The following EIF3I variants were observed in gnomAD, a reference collection of about 807,000 sequenced individuals.
The protein encoded by EIF3I is TGF-beta receptor-interacting protein 1.
A neutral mutation model predicts 43.3 loss-of-function variants in EIF3I; 20 were observed. That is an observed-to-expected ratio of 0.46 (90% CI 0.32 to 0.67). EIF3I has a LOEUF of 0.67. Ranked by LOEUF, EIF3I falls within the 30% of genes least tolerant of loss-of-function variation. The pLI is 0.03. For missense variants in EIF3I, 279 were observed against 421.4 expected, an observed-to-expected ratio of 0.66 and a Z score of 2.96; for synonymous variants, 167 against 151.7, an observed-to-expected ratio of 1.10 and a Z score of -0.74.
In EIF3I at chr1:32,224,396, TAAC is replaced by T. The variant is rs769607289; in HGVS notation, c.185-10_185-8del. ...CTCGGGTGAACTTCGTCATATTTCT[TAAC>T]AACTCTTCAGGGGACACCAAGCATG... On this transcript the variant is annotated splice_polypyrimidine_tract_variant and intron_variant, in intron 3 of 11. Coordinates refer to ENST00000676679, the Ensembl canonical transcript of EIF3I. 86 of 1,612,468 alleles carry T rather than the reference TAAC, an allele frequency of 5.3e-5. No homozygotes were observed. The East Asian group carries it at 1.0e-3, about 19-fold the overall frequency.
chr1:32,228,914 G>T (rs1344674243), intron 8 of EIF3I, 98 bp downstream of exon 8: 2 of 1,183,352 alleles, frequency 1.7e-6, no homozygotes, highest in South Asian at 1.4e-5. Flanking sequence ...TGGGGGAAAT[G>T]ATGTCAGGCA....
chr1:32,226,568 T>TG (rs1491356139), intron 6 of EIF3I, 38 bp downstream of exon 6: 1 of 124,386 alleles, frequency 8.0e-6, no homozygotes, highest in Non-Finnish European at 1.3e-5. Context: ...ACCAGAATAA[T>TG]TTTTTTTTTT....
At chr1:32,230,440 T>C (rs1214695507) in intron 10 of EIF3I, among the ~76,000 whole-genome samples, 1 of 151,716 alleles carries the variant, frequency 6.6e-6, no homozygotes, top group Non-Finnish European at 1.5e-5. Context: ...CAGGCTGGTC[T>C]CAAACTCCTG....
Position 32,228,723 on chromosome 1 carries a change from C to T in EIF3I, c.640-4C>T, listed in dbSNP as rs373229880. On this transcript the variant is annotated splice_polypyrimidine_tract_variant and splice_region_variant and intron_variant, in intron 7 of 11. Coordinates refer to ENST00000676679, the Ensembl canonical transcript of EIF3I. ...CAGATTTCCCCCCTGCCTTCTCTCT[C>T]CAGCTTTTTGACTCCACAACTCTTG... The T allele has an allele frequency of 1.4e-5, 23 of 1,613,838 alleles. No homozygotes were observed. Among genetic ancestry groups the T allele is most frequent in the Non-Finnish European group, 1.7e-5 (20 of 1,179,854 alleles).
rs775515929 is a variant in EIF3I at position 32,228,476 on chromosome 1, T to C, written c.529-23T>C. On this transcript the variant is annotated intron_variant, in intron 6 of 11. Transcript: ENST00000676679. ...ATTAGTAGGGATTGGGCCCATTCAGTGTCACTCTTCTTCCTTCCCTAGTCT... is the reference window on the plus strand; with the variant it reads ...ATTAGTAGGGATTGGGCCCATTCAGCGTCACTCTTCTTCCTTCCCTAGTCT... 8.7e-6 allele frequency: 14 copies of C among 1,601,668 alleles called. No homozygotes were observed. The East Asian group carries it at 2.5e-4, about 28-fold the overall frequency.
chr1:32,224,420 G>A, exon 4 of EIF3I: 1 of 1,613,758 alleles, frequency 6.2e-7, no homozygotes, highest in South Asian at 1.1e-5. Flanking sequence ...GGGACACCAA[G>A]CATGTCCTCA....
chr1:32,223,644 C>A (rs1639080430), intron 2 of EIF3I, among the ~76,000 whole-genome samples: 1 of 152,206 alleles, frequency 6.6e-6, no homozygotes, highest in Admixed American at 6.5e-5. Context: ...TATTTGAGAT[C>A]ATATAGTGAG....
intron 5 of EIF3I, 33 bp downstream of exon 5, chr1:32,226,353 A>G (rs1639146747): frequency 2.5e-6 from 4 of 1,613,900 alleles, no homozygotes; most frequent in Middle Eastern, 1.7e-4. Context: ...GGGTTGAGGT[A>G]AAGGGTACAG....
At chr1:32,226,692 G>A (rs185217977) in intron 6 of EIF3I, among the ~76,000 whole-genome samples, 162 bp downstream of exon 6, 25 of 151,170 alleles carry the variant, frequency 1.7e-4, no homozygotes, top group African/African-American at 5.3e-4. Context: ...TTAGCCTCCC[G>A]AGTAGCTGGG....
intron 11 of EIF3I, 36 bp downstream of exon 10, chr1:32,231,055 G>T (rs1241830585): frequency 1.9e-6 from 3 of 1,613,072 alleles, no homozygotes; most frequent in Admixed American, 3.3e-5. Context: ...CTAAGCCTGG[G>T]TTGGGTCTCT....
chr1:32,225,382 A>G (rs1255891449), intron 4 of EIF3I, among the ~76,000 whole-genome samples: 1 of 152,226 alleles, frequency 6.6e-6, no homozygotes, highest in Non-Finnish European at 1.5e-5. Context: ...AGAGACAGAT[A>G]TATTGCAGTC....
chr1:32,227,845 GA>G (rs1314792464), intron 6 of EIF3I, among the ~76,000 whole-genome samples: 1 of 152,178 alleles, frequency 6.6e-6, no homozygotes, highest in Admixed American at 6.5e-5. Context: ...GTATAATGCT[GA>G]GTATAATGCT....
At chr1:32,231,467 A>G (rs1569865306), downstream of EIF3I, 1 of 286,960 alleles carries the variant, frequency 3.5e-6, no homozygotes, top group East Asian at 9.0e-5. Flanking sequence ...CTCCATCCTG[A>G]GCCACAAGAG....
At chr1:32,224,543 G>C in intron 4 of EIF3I, 68 bp downstream of exon 4, 8 of 1,194,742 alleles carry the variant, frequency 6.7e-6, no homozygotes, top group Non-Finnish European at 8.7e-6. Context: ...TGAGTAAACA[G>C]GTCCTAGGAA....
downstream of EIF3I, among the ~76,000 whole-genome samples, chr1:32,232,793 C>T (rs147220388): frequency 1.3e-4 from 19 of 151,996 alleles, 1 homozygote; most frequent in African/African-American, 3.6e-4. Context: ...TGATCCAGGA[C>T]TAGTGGGGTT....
chr1:32,226,484 T>C, exon 6 of EIF3I: 2 of 1,592,876 alleles, frequency 1.3e-6, no homozygotes, highest in Admixed American at 1.8e-5. Context: ...GGGGAGTGCA[T>C]CATCGCTGGC....
chr1:32,229,224 GC>G lies in EIF3I; in HGVS notation c.803+17del. On this transcript the variant is annotated intron_variant, in intron 9 of 11. Transcript: ENST00000676679. ...TTGAGGCCAGGTAAAGAAGAAGAGA[GC>G]TCTTCCAAATTAAAATCTCATGTGG... The G allele has an allele frequency of 6.2e-7, 1 of 1,609,330 alleles. No individual in the cohort carries two copies. The highest frequency in any genetic ancestry group is 8.5e-7 in the Non-Finnish European group (1 of 1,178,674).
downstream of EIF3I, chr1:32,234,294 G>A (rs1639273657): frequency 8.0e-6 from 1 of 125,152 alleles, no homozygotes; most frequent in Admixed American, 8.8e-5. Flanking sequence ...GACAGAGCGA[G>A]ACTTCATCTC....
chr1:32,230,140 G>C (rs1326788800), intron 9 of EIF3I, among the ~76,000 whole-genome samples: 3 of 152,102 alleles, frequency 2.0e-5, no homozygotes, highest in Non-Finnish European at 2.9e-5. Context: ...TCTGTCCTCA[G>C]CCTCCCAAAG....
Sources: gnomAD v4.1 joint callset for allele counts (sites outside exome capture counted in the v4.1 genomes callset) on GRCh38, gnomAD v4.1.1 for gene constraint, MANE v1.5 for transcripts, NCBI Gene and HGNC (gene_info 2026-07-23, HGNC 2026-07-21) for gene names.